Variants in DOCK3 observed in about 807,000 individuals in gnomAD.
The protein encoded by DOCK3 is dedicator of cytokinesis protein 3.
A neutral mutation model predicts 265.6 loss-of-function variants in DOCK3; 60 were observed. The ratio of observed to expected loss-of-function variants is 0.23; its 90% CI spans 0.18 to 0.28. The LOEUF (loss-of-function observed/expected upper bound fraction) is 0.28. Ranked by LOEUF, DOCK3 falls within the 10% of genes least tolerant of loss-of-function variation. The pLI is 1.00. For missense variants in DOCK3, 1,981 were observed against 2,594.3 expected (o/e 0.76, Z 5.14); for synonymous variants, 881 against 938.0 (o/e 0.94, Z 1.11).
At chr3:51,270,499 A>C (rs945046939) in intron 23 of DOCK3, among the ~76,000 whole-genome samples, 1 of 152,230 alleles carries the variant, frequency 6.6e-6, no homozygotes, top group Admixed American at 6.5e-5. Context: ...TTTTATGAAC[A>C]AAAACAACTG....
intron 5 of DOCK3, among the ~76,000 whole-genome samples, chr3:50,989,489 C>T (rs764261400): frequency 1.3e-5 from 2 of 152,156 alleles, no homozygotes; most frequent in Non-Finnish European, 2.9e-5. Flanking sequence ...TACCAACTGA[C>T]CAGTAAGCCT....
At chr3:50,978,833 G>T (rs911400489) in intron 5 of DOCK3, among the ~76,000 whole-genome samples, 1 of 152,212 alleles carries the variant, frequency 6.6e-6, no homozygotes, top group Non-Finnish European at 1.5e-5. Context: ...CCACGTGCGG[G>T]ATATAATCTT....
At chr3:50,687,613 T>C (rs1426768937) in intron 1 of DOCK3, among the ~76,000 whole-genome samples, 1 of 152,218 alleles carries the variant, frequency 6.6e-6, no homozygotes, top group African/African-American at 2.4e-5. Flanking sequence ...TTTAATGTGG[T>C]TGATAATTTT....
At chr3:51,016,551 A>T (rs2079260986) in intron 5 of DOCK3, among the ~76,000 whole-genome samples, 2 of 1,798 alleles carry the variant, frequency 1.1e-3, no homozygotes, top group Admixed American at 7.9e-3. Flanking sequence ...ATATATTTAT[A>T]TATATCATAT....
At chr3:51,071,332 GAC>G (rs1337568755) in intron 6 of DOCK3, among the ~76,000 whole-genome samples, 1 of 152,132 alleles carries the variant, frequency 6.6e-6, no homozygotes, top group Non-Finnish European at 1.5e-5. Context: ...GGTGAGAGAA[GAC>G]CAAGTATTTT....
chr3:51,089,097 G>A (rs1055405339), intron 7 of DOCK3, 146 bp from the exon 8 acceptor site: 2 of 883,980 alleles, frequency 2.3e-6, no homozygotes, highest in South Asian at 1.8e-5. Flanking sequence ...CACCAAATAC[G>A]AATAACACTT....
intron 3 of DOCK3, among the ~76,000 whole-genome samples, chr3:50,853,438 A>G (rs560385640): frequency 4.5e-4 from 69 of 152,244 alleles, no homozygotes; most frequent in Non-Finnish European, 8.7e-4. Flanking sequence ...CTCAAGAGGT[A>G]GTTTTTCAAT....
At chr3:51,081,436 TATACTA>T (rs1162379991) in intron 7 of DOCK3, among the ~76,000 whole-genome samples, 1 of 152,168 alleles carries the variant, frequency 6.6e-6, no homozygotes, top group Non-Finnish European at 1.5e-5. Flanking sequence ...AAATAACAAT[TATACTA>T]ATAATAAAAA....
intron 22 of DOCK3, 50 bp from the exon 23 acceptor site, chr3:51,260,106 C>T (rs760485084): frequency 4.5e-6 from 7 of 1,569,888 alleles, no homozygotes; most frequent in South Asian, 3.5e-5. Context: ...TATGTGAGTT[C>T]CTGAGCATCT....
chr3:51,338,414 C>T lies in DOCK3; in HGVS notation c.3667C>T (p.Leu1223=). ...TAAGAAGATAGGCTGCACTGTTAACCTGATGGTGAGAGGACATGGGCCCTG... is the reference window on the plus strand; with the variant it reads ...TAAGAAGATAGGCTGCACTGTTAACTTGATGGTGAGAGGACATGGGCCCTG... ...ENKKIGCTVN[L]MNFYKSEINK... Residue 1223 remains leucine (L), a synonymous_variant, in exon 36 of 53, where the codon CTG becomes TTG. Coordinates refer to ENST00000266037, the MANE Select transcript of DOCK3 (RefSeq NM_004947.5). 6.4e-7 allele frequency: 1 copy of T among 1,551,808 alleles called. No homozygotes were observed. The highest frequency in any genetic ancestry group is 8.7e-7 in the Non-Finnish European group (1 of 1,147,066).
intron 6 of DOCK3, among the ~76,000 whole-genome samples, chr3:51,069,662 C>T (rs1041872973): frequency 1.3e-5 from 2 of 151,578 alleles, no homozygotes; most frequent in African/African-American, 4.9e-5. Flanking sequence ...CTTCCTCCTC[C>T]CCTTTTCTAC....
At chr3:50,767,461 C>T (rs1243159537) in intron 1 of DOCK3, among the ~76,000 whole-genome samples, 1 of 152,042 alleles carries the variant, frequency 6.6e-6, no homozygotes, top group Non-Finnish European at 1.5e-5. Flanking sequence ...GGGCTCTATT[C>T]TGTTCCATTG....
At chr3:50,772,605 A>G (rs575400167) in intron 1 of DOCK3, among the ~76,000 whole-genome samples, 6 of 152,356 alleles carry the variant, frequency 3.9e-5, no homozygotes, top group Non-Finnish European at 7.3e-5. Flanking sequence ...AAAAATAAAC[A>G]TAAATTAACA....
At chr3:50,824,301 T>A (rs192835899) in intron 2 of DOCK3, among the ~76,000 whole-genome samples, 1 of 152,352 alleles carries the variant, frequency 6.6e-6, no homozygotes, top group East Asian at 1.9e-4. Context: ...TCATGGGGAA[T>A]TATATAAGAG....
intron 10 of DOCK3, among the ~76,000 whole-genome samples, chr3:51,158,043 G>A (rs570152200): frequency 3.9e-5 from 6 of 152,030 alleles, no homozygotes; most frequent in East Asian, 1.9e-4. Flanking sequence ...TCCTAGAAGC[G>A]AAAGGGAGAT....
rs930600948 is a variant in DOCK3 at position 51,090,325 on chromosome 3, T to G, written c.687T>G (p.Ile229Met). 1.2e-6 allele frequency: 2 copies of G among 1,604,942 alleles called. No individual in the cohort carries two copies. The highest frequency in any genetic ancestry group is 2.7e-5 in the African/African-American group (2 of 74,738). ...LSLKSFTYNT[I>M]GEDTDVFFSL... is the part of the protein sequence containing the mutation. ...TGAAGAGTTTCACTTACAATACTAT[T>G]GGGGAAGATACCGATGTCTTCTTTT... Residue 229 changes from isoleucine to methionine, a missense_variant, in exon 9 of 53, where the codon ATT (isoleucine) becomes ATG (methionine). Coordinates refer to ENST00000266037, the MANE Select transcript of DOCK3 (RefSeq NM_004947.5).
chr3:51,032,670 G>A (rs951765189), intron 5 of DOCK3, among the ~76,000 whole-genome samples: 6 of 152,200 alleles, frequency 3.9e-5, no homozygotes, highest in African/African-American at 1.4e-4. Flanking sequence ...CTACTCAGGA[G>A]GCTGAGGCAG....
chr3:51,310,197 G>A (rs1315775504), intron 27 of DOCK3, 35 bp from the exon 28 acceptor site: 1 of 1,531,500 alleles, frequency 6.5e-7, no homozygotes. Flanking sequence ...ATATTGTGGT[G>A]GTGGTGTCTC....
intron 1 of DOCK3, 64 bp from the exon 2 acceptor site, chr3:50,778,611 G>T: frequency 8.0e-7 from 1 of 1,245,526 alleles, no homozygotes; most frequent in Non-Finnish European, 1.1e-6. Context: ...GCTTAATTCA[G>T]TGACTCTGAC....
Sources: allele counts gnomAD v4.1 joint callset (sites outside exome capture counted in the v4.1 genomes callset), GRCh38; gene constraint gnomAD v4.1.1; transcripts MANE v1.5; gene names NCBI Gene and HGNC (gene_info 2026-07-23, HGNC 2026-07-21).